DLG2: variants seen among roughly 807,000 people sequenced by gnomAD.
DLG2 encodes the protein discs large MAGUK scaffold protein 2, also known as disks large homolog 2.
A neutral mutation model predicts 132.5 loss-of-function variants in DLG2; 45 were observed. The observed-to-expected ratio is 0.34, with a 90% confidence interval of 0.27 to 0.44. DLG2 has a LOEUF of 0.44. Among genes scored for constraint, DLG2 ranks in the 20% least tolerant of loss-of-function variants. The pLI is 1.00. For synonymous variants in DLG2, 424 were observed against 419.6 expected (o/e 1.01, Z -0.13); for missense variants, 1,045 against 1,196.9 (o/e 0.87, Z 1.87).
At chr11:84,456,253 G>C (rs952359053) in intron 7 of DLG2, among the ~76,000 whole-genome samples, 1 of 151,278 alleles carries the variant, frequency 6.6e-6, no homozygotes, top group Admixed American at 6.6e-5. Flanking sequence ...GCTATGCAAG[G>C]AAGTAATGCC....
intron 6 of DLG2, among the ~76,000 whole-genome samples, chr11:84,857,256 G>T (rs774948889): frequency 5.9e-5 from 9 of 151,780 alleles, no homozygotes; most frequent in Admixed American, 5.3e-4. Flanking sequence ...TTTTTAAATG[G>T]GCAGGTCCTA....
At chr11:83,770,883 T>C (rs575904653) in intron 18 of DLG2, among the ~76,000 whole-genome samples, 1 of 152,336 alleles carries the variant, frequency 6.6e-6, no homozygotes, top group African/African-American at 2.4e-5. Context: ...AAATCCACTT[T>C]TTTTGCTTTC....
At chr11:84,566,763 C>T (rs1249903882) in intron 6 of DLG2, among the ~76,000 whole-genome samples, 1 of 152,190 alleles carries the variant, frequency 6.6e-6, no homozygotes, top group Non-Finnish European at 1.5e-5. Flanking sequence ...CATCATACAG[C>T]TACAGTTCCT....
intron 19 of DLG2, among the ~76,000 whole-genome samples, chr11:83,549,865 G>A (rs1042721543): frequency 6.6e-6 from 1 of 152,148 alleles, no homozygotes. Context: ...AATTCACTAT[G>A]TGATCTTGAG....
chr11:84,075,520 C>T (rs1594733170), intron 10 of DLG2, among the ~76,000 whole-genome samples: 1 of 152,110 alleles, frequency 6.6e-6, no homozygotes, highest in Non-Finnish European at 1.5e-5. Context: ...AAAATATATG[C>T]AATTTTGCTG....
chr11:84,143,128 G>T (rs1424397931), intron 9 of DLG2, among the ~76,000 whole-genome samples: 2 of 152,130 alleles, frequency 1.3e-5, no homozygotes, highest in African/African-American at 4.8e-5. Flanking sequence ...CATCTACCTT[G>T]TGCCAGGTGC....
At chr11:84,133,295 A>C (rs942414836) in intron 9 of DLG2, among the ~76,000 whole-genome samples, 5 of 152,166 alleles carry the variant, frequency 3.3e-5, no homozygotes, top group African/African-American at 1.2e-4. Context: ...CAGAGGAGGA[A>C]ATATATTCTA....
At chr11:85,376,820 AC>A in intron 3 of DLG2, among the ~76,000 whole-genome samples, 1 of 152,288 alleles carries the variant, frequency 6.6e-6, no homozygotes, top group African/African-American at 2.4e-5. Context: ...TGAGAGTGAT[AC>A]CCCACTACTA....
intron 15 of DLG2, among the ~76,000 whole-genome samples, chr11:83,904,762 T>G (rs1453669643): frequency 1.3e-5 from 2 of 152,114 alleles, no homozygotes; most frequent in Non-Finnish European, 2.9e-5. Context: ...TTCCCTACAC[T>G]TGGGGTTCTT....
intron 18 of DLG2, among the ~76,000 whole-genome samples, chr11:83,720,294 GAAAAAAAAA>G (rs10573464): frequency 6.2e-3 from 170 of 27,290 alleles, no homozygotes; most frequent in African/African-American, 0.012. Context: ...CTCCATCTCA[GAAAAAAAAA>G]AAAAAAAAAA....
chr11:83,786,912 A>T, intron 17 of DLG2, 120 bp from the exon 18 acceptor site: 1 of 701,290 alleles, frequency 1.4e-6, no homozygotes, highest in Non-Finnish European at 2.4e-6. Context: ...GAAACCCCTC[A>T]TATCCTACTC....
intron 7 of DLG2, among the ~76,000 whole-genome samples, chr11:84,447,692 AT>A (rs2099039506): frequency 6.6e-6 from 1 of 151,792 alleles, no homozygotes; most frequent in Non-Finnish European, 1.5e-5. Flanking sequence ...TATTTAGAGA[AT>A]CTTTCCAGAG....
At chr11:85,279,318 A>T (rs1047872916) in intron 4 of DLG2, among the ~76,000 whole-genome samples, 2 of 152,176 alleles carry the variant, frequency 1.3e-5, no homozygotes, top group African/African-American at 4.8e-5. Context: ...ATGAATATAC[A>T]TACCAGATGC....
At chr11:83,616,091 T>G (rs1368462874) in intron 19 of DLG2, among the ~76,000 whole-genome samples, 1 of 152,216 alleles carries the variant, frequency 6.6e-6, no homozygotes, top group African/African-American at 2.4e-5. Flanking sequence ...TGATTTTCAT[T>G]GTTGTATATT....
chr11:84,831,310 G>C (rs2079030632), intron 6 of DLG2, among the ~76,000 whole-genome samples: 1 of 151,486 alleles, frequency 6.6e-6, no homozygotes, highest in African/African-American at 2.4e-5. Flanking sequence ...CATCTCTTAC[G>C]AATAGCTGCT....
intron 7 of DLG2, among the ~76,000 whole-genome samples, chr11:84,352,074 C>T (rs568748753): frequency 7.2e-5 from 11 of 152,142 alleles, no homozygotes; most frequent in African/African-American, 1.7e-4. Flanking sequence ...ATTCATAGAA[C>T]CTTTTTAAAC....
intron 7 of DLG2, among the ~76,000 whole-genome samples, chr11:84,453,760 T>C (rs2099057892): frequency 6.6e-6 from 1 of 151,650 alleles, no homozygotes; most frequent in Non-Finnish European, 1.5e-5. Context: ...CAACCAACAA[T>C]GGCACATTCC....
At chr11:84,165,430 T>G in intron 8 of DLG2, among the ~76,000 whole-genome samples, 1 of 152,218 alleles carries the variant, frequency 6.6e-6, no homozygotes, top group East Asian at 1.9e-4. Flanking sequence ...ATGCATATCC[T>G]AATTGGTATT....
intron 4 of DLG2, among the ~76,000 whole-genome samples, chr11:85,206,222 G>C (rs537449165): frequency 2.4e-4 from 37 of 152,254 alleles, no homozygotes; most frequent in Middle Eastern, 6.8e-3. Flanking sequence ...GGCTTTCCCA[G>C]AACCAGGTGC....
Sources: gnomAD v4.1 joint callset for allele counts (sites outside exome capture counted in the v4.1 genomes callset) on GRCh38, gnomAD v4.1.1 for gene constraint, MANE v1.5 for transcripts, NCBI Gene and HGNC (gene_info 2026-07-23, HGNC 2026-07-21) for gene names.